The following ASTN2 variants were observed in gnomAD, a reference collection of about 807,000 sequenced individuals.
ASTN2 encodes the protein astrotactin 2.
Under a neutral mutation model 139.8 loss-of-function variants are expected in ASTN2, and 54 were observed. The observed-to-expected ratio is 0.39, with a 90% CI of 0.31 to 0.48. The LOEUF is 0.48. ASTN2 is among the 20% of genes least tolerant of loss of function. ASTN2 has a pLI of 0.95. For synonymous variants in ASTN2, 756 were observed against 719.5 expected (o/e 1.05, Z -0.81); for missense variants, 1,565 against 1,725.1 (o/e 0.91, Z 1.64).
At chr9:117,079,642 CTTTG>C (rs756871829) in intron 5 of ASTN2, among the ~76,000 whole-genome samples, 16 of 138,140 alleles carry the variant, frequency 1.2e-4, no homozygotes, top group Admixed American at 1.1e-3. Flanking sequence ...TCTCTTTCTT[CTTTG>C]TTTTTCACAA....
intron 2 of ASTN2, among the ~76,000 whole-genome samples, chr9:117,230,049 G>A (rs1164154011): frequency 6.6e-6 from 1 of 151,326 alleles, no homozygotes; most frequent in Non-Finnish European, 1.5e-5. Context: ...CGCACATCTA[G>A]CCCCAGCTAC....
At chr9:116,966,683 C>A (rs1836019330) in intron 10 of ASTN2, among the ~76,000 whole-genome samples, 1 of 148,880 alleles carries the variant, frequency 6.7e-6, no homozygotes. Context: ...AGTAATGTTT[C>A]TCAGACGGGC....
At chr9:116,957,090 A>C (rs1446334124) in intron 10 of ASTN2, among the ~76,000 whole-genome samples, 3 of 150,532 alleles carry the variant, frequency 2.0e-5, no homozygotes, top group Non-Finnish European at 4.4e-5. Context: ...GCTCATTCCA[A>C]AATTCATATG....
At chr9:116,837,231 T>A (rs750078322) in intron 11 of ASTN2, among the ~76,000 whole-genome samples, 25 of 152,162 alleles carry the variant, frequency 1.6e-4, no homozygotes, top group Non-Finnish European at 3.2e-4. Flanking sequence ...TAATAAGGAC[T>A]CTAGCATGTG....
At chr9:117,401,898 G>A (rs375298859) in intron 1 of ASTN2, among the ~76,000 whole-genome samples, 20 of 152,202 alleles carry the variant, frequency 1.3e-4, no homozygotes, top group African/African-American at 4.1e-4. Flanking sequence ...AAACAAACAA[G>A]CAATTGTTTA....
intron 3 of ASTN2, among the ~76,000 whole-genome samples, chr9:117,142,296 T>C (rs1339800026): frequency 6.6e-6 from 1 of 152,144 alleles, no homozygotes; most frequent in East Asian, 1.9e-4. Flanking sequence ...GTATGGAGAA[T>C]GCAAACTGAA....
intron 5 of ASTN2, among the ~76,000 whole-genome samples, chr9:117,063,494 A>G (rs1373876566): frequency 6.6e-6 from 1 of 152,220 alleles, no homozygotes; most frequent in Non-Finnish European, 1.5e-5. Flanking sequence ...GCCTGCTGCA[A>G]TATAAGACGT....
chr9:117,203,102 ATCCTT>A (rs542705042), intron 3 of ASTN2, among the ~76,000 whole-genome samples: 142 of 151,606 alleles, frequency 9.4e-4, no homozygotes, highest in African/African-American at 3.3e-3. Flanking sequence ...AAACTCTGAT[ATCCTT>A]TCTTCTGCTT....
chr9:116,536,000 A>G (rs1851607732), intron 19 of ASTN2, among the ~76,000 whole-genome samples: 1 of 152,096 alleles, frequency 6.6e-6, no homozygotes, highest in Admixed American at 6.5e-5. Flanking sequence ...CACCAATCAG[A>G]TGTAGGTTTG....
At chr9:116,772,524 A>G (rs898532983) in intron 13 of ASTN2, among the ~76,000 whole-genome samples, 7 of 152,216 alleles carry the variant, frequency 4.6e-5, no homozygotes, top group African/African-American at 1.4e-4. Flanking sequence ...ACAGAGTAAT[A>G]CTGGTGGTCA....
chr9:116,508,288 G>T (rs1587904445), intron 19 of ASTN2, among the ~76,000 whole-genome samples: 1 of 152,224 alleles, frequency 6.6e-6, no homozygotes, highest in African/African-American at 2.4e-5. Flanking sequence ...AATGCCAGAT[G>T]AGCTTGGTGA....
chr9:116,635,168 A>C (rs1405453002), intron 17 of ASTN2, among the ~76,000 whole-genome samples: 1 of 152,228 alleles, frequency 6.6e-6, no homozygotes, highest in Non-Finnish European at 1.5e-5. Flanking sequence ...ATCTGATTCA[A>C]GTACTGCCTT....
chr9:117,039,701 T>C (rs1431853631), intron 6 of ASTN2, 118 bp downstream of exon 6: 4 of 1,112,020 alleles, frequency 3.6e-6, no homozygotes, highest in South Asian at 6.5e-5. Context: ...CTCCTTTTTT[T>C]CCTCCTGTAA....
At chr9:116,646,907 A>G (rs886135630) in intron 17 of ASTN2, among the ~76,000 whole-genome samples, 1 of 152,274 alleles carries the variant, frequency 6.6e-6, no homozygotes, top group Non-Finnish European at 1.5e-5. Context: ...AGCATTGTCC[A>G]TGGAGTTTTC....
Position 116,462,787 on chromosome 9 carries a change from C to CGTGTGT in ASTN2, c.3498-20235_3498-20234insACACAC, listed in dbSNP as rs1376062376. On this transcript the variant is annotated intron_variant, in intron 20 of 22. Coordinates refer to ENST00000313400, the MANE Select transcript of ASTN2 (RefSeq NM_001365068.1). Reference sequence around the variant, plus strand: ...TCTTTAAGGGTAAGTGTTGGGTGAGCATGTGTGTGTGTGTGTGTGTGTGTG... The same window carrying CGTGTGT: ...TCTTTAAGGGTAAGTGTTGGGTGAGCGTGTGTATGTGTGTGTGTGTGTGTGTGTGTG... Among the ~76,000 whole-genome samples the CGTGTGT allele has an allele frequency of 2.3e-3, 223 of 97,634 alleles. 2 individuals carry two copies. The highest frequency in any genetic ancestry group is 0.011 in the South Asian group (32 of 2,916). 64.1% of individuals were successfully genotyped at this position (97,634 alleles called of 152,430 possible).
intron 13 of ASTN2, among the ~76,000 whole-genome samples, chr9:116,749,546 A>G (rs922223662): frequency 2.6e-5 from 4 of 152,176 alleles, no homozygotes; most frequent in Non-Finnish European, 2.9e-5. Context: ...TCCCAGCACC[A>G]TAAGTTGAAT....
At chr9:116,802,392 T>A (rs1451949559) in intron 13 of ASTN2, among the ~76,000 whole-genome samples, 1 of 152,186 alleles carries the variant, frequency 6.6e-6, no homozygotes, top group African/African-American at 2.4e-5. Flanking sequence ...AGCGGTGCCA[T>A]GCTCTTTCTC....
At chr9:116,467,028 T>C (rs959408515) in intron 20 of ASTN2, among the ~76,000 whole-genome samples, 7 of 152,114 alleles carry the variant, frequency 4.6e-5, no homozygotes, top group African/African-American at 1.4e-4. Flanking sequence ...TGTTCCTGCC[T>C]CTCACCAGAG....
intron 2 of ASTN2, among the ~76,000 whole-genome samples, chr9:117,240,180 C>A (rs557352335): frequency 6.6e-6 from 1 of 152,250 alleles, no homozygotes; most frequent in African/African-American, 2.4e-5. Context: ...ACACTGGTGA[C>A]TAAGATGGGT....
Sources: gnomAD v4.1 joint callset for allele counts (sites outside exome capture counted in the v4.1 genomes callset) on GRCh38, gnomAD v4.1.1 for gene constraint, MANE v1.5 for transcripts, NCBI Gene and HGNC (gene_info 2026-07-23, HGNC 2026-07-21) for gene names.